The following SLC12A1 variants were observed in gnomAD, a reference collection of about 807,000 sequenced individuals.
SLC12A1 encodes Na-K-2Cl cotransporter.
A neutral mutation model predicts 130.4 loss-of-function variants in SLC12A1; 89 were observed. That is an observed-to-expected ratio of 0.68 (90% CI 0.58 to 0.81). SLC12A1 has a LOEUF of 0.81. Ranked by LOEUF, SLC12A1 falls within the 40% of genes least tolerant of loss-of-function variation. The pLI is 0.00. For synonymous variants in SLC12A1, 499 were observed against 460.0 expected, an observed-to-expected ratio of 1.08 and a Z score of -1.09; for missense variants, 1,310 against 1,336.4, an observed-to-expected ratio of 0.98 and a Z score of 0.31.
intron 17 of SLC12A1, among the ~76,000 whole-genome samples, chr15:48,261,952 T>G (rs2041779367): frequency 6.6e-6 from 1 of 152,220 alleles, no homozygotes; most frequent in South Asian, 2.1e-4. Flanking sequence ...GCTATTTGAA[T>G]TATAGAAGAT....
intron 19 of SLC12A1, among the ~76,000 whole-genome samples, chr15:48,270,387 T>C (rs2041880298): frequency 6.6e-6 from 1 of 152,080 alleles, no homozygotes; most frequent in African/African-American, 2.4e-5. Flanking sequence ...TCTCATTTAA[T>C]TCTCATAAGA....
intron 19 of SLC12A1, among the ~76,000 whole-genome samples, chr15:48,271,142 G>A (rs111756161): frequency 0.025 from 3,727 of 152,018 alleles, 73 homozygotes; most frequent in African/African-American, 0.046. Flanking sequence ...AACCTGGGAG[G>A]TGAAGGTTGC....
At chr15:48,288,644 G>A (rs1440116247) in intron 23 of SLC12A1, 128 bp downstream of exon 23, 9 of 570,712 alleles carry the variant, frequency 1.6e-5, no homozygotes, top group East Asian at 1.1e-4. Flanking sequence ...GATAGGCCTC[G>A]TGTTTACTTG....
At chr15:48,289,394 C>CATATATATATATATATATAT (rs10609887) in intron 23 of SLC12A1, among the ~76,000 whole-genome samples, 2 of 112,896 alleles carry the variant, frequency 1.8e-5, no homozygotes, top group African/African-American at 3.8e-5. Flanking sequence ...GTGAATGTGA[C>CATATATATATATATATATAT]ATATATATAT....
chr15:48,246,704 C>T (rs927416012), intron 11 of SLC12A1, among the ~76,000 whole-genome samples: 2 of 152,044 alleles, frequency 1.3e-5, no homozygotes, highest in South Asian at 2.1e-4. Context: ...TCGCTTGAAC[C>T]GGGAGGCAGC....
chr15:48,230,452 A>G lies in SLC12A1; in HGVS notation c.924A>G (p.Thr308=), dbSNP rs1425437619. 3.7e-6 allele frequency: 6 copies of G among 1,613,160 alleles called. No individual in the cohort carries two copies. The Admixed American group carries it at 8.3e-5, about 22-fold the overall frequency. Residue 308 remains threonine (T), a synonymous_variant, in exon 7 of 27, where the codon ACA becomes ACG. Coordinates refer to ENST00000380993, the MANE Select transcript of SLC12A1 (RefSeq NM_000338.3). ...ACATCCGGATTATAGGCTCCATCAC[A>G]GTGGTGATTCTTCTAGGAATTTCAG... ...TNDIRIIGSI[T]VVILLGISVA... is the part of the protein sequence containing the mutation.
chr15:48,301,685 C>A (rs926858534), intron 26 of SLC12A1, among the ~76,000 whole-genome samples: 8 of 152,076 alleles, frequency 5.3e-5, no homozygotes, highest in Non-Finnish European at 1.2e-4. Context: ...CCCTGGATTT[C>A]TCTGCCTAAC....
intron 16 of SLC12A1, among the ~76,000 whole-genome samples, chr15:48,258,857 C>T (rs2041738868): frequency 6.6e-6 from 1 of 152,134 alleles, no homozygotes; most frequent in Admixed American, 6.5e-5. Flanking sequence ...ACATCTGTCC[C>T]CATGATTCAA....
At chr15:48,259,788 A>G (rs1190870484) in intron 17 of SLC12A1, among the ~76,000 whole-genome samples, 1 of 152,176 alleles carries the variant, frequency 6.6e-6, no homozygotes, top group Admixed American at 6.5e-5. Flanking sequence ...TAAAAACTAA[A>G]CCAAGTTTTT....
At chr15:48,229,423 G>T in intron 6 of SLC12A1, 95 bp downstream of exon 6, 1 of 1,252,444 alleles carries the variant, frequency 8.0e-7, no homozygotes. Context: ...AGCTAAATGA[G>T]AGGAAAAAAG....
intron 20 of SLC12A1, among the ~76,000 whole-genome samples, chr15:48,280,114 A>T (rs935545855): frequency 4.6e-5 from 7 of 151,640 alleles, no homozygotes; most frequent in African/African-American, 1.5e-4. Context: ...TATCCTTAAG[A>T]TTCAAAGCAG....
intron 24 of SLC12A1, among the ~76,000 whole-genome samples, chr15:48,298,706 T>C (rs900871159): frequency 1.3e-5 from 2 of 152,348 alleles, no homozygotes; most frequent in East Asian, 1.9e-4. Context: ...ATCCATTTCC[T>C]ACATTAATTG....
intron 24 of SLC12A1, among the ~76,000 whole-genome samples, chr15:48,297,643 C>T (rs1337008397): frequency 6.6e-6 from 1 of 152,250 alleles, no homozygotes; most frequent in Non-Finnish European, 1.5e-5. Flanking sequence ...CTCTCCATTG[C>T]TAATCTCAAC....
chr15:48,235,278 G>GA, intron 9 of SLC12A1: 2 of 383,100 alleles, frequency 5.2e-6, no homozygotes, highest in Non-Finnish European at 4.8e-6. Context: ...GTAGTTCAGT[G>GA]AAAAAAATAC....
intron 23 of SLC12A1, among the ~76,000 whole-genome samples, chr15:48,291,342 A>G (rs1371866423): frequency 2.0e-5 from 3 of 150,816 alleles, no homozygotes; most frequent in Non-Finnish European, 4.4e-5. Context: ...ATATGTTTGT[A>G]TATATAATCA....
chr15:48,221,044 T>C, intron 4 of SLC12A1, 48 bp downstream of exon 4: 2 of 1,519,672 alleles, frequency 1.3e-6, no homozygotes, highest in South Asian at 2.2e-5. Context: ...AATCATAAAT[T>C]CAATAAGCAA....
At chr15:48,273,831 T>C (rs1237974098) in intron 19 of SLC12A1, among the ~76,000 whole-genome samples, 4 of 152,138 alleles carry the variant, frequency 2.6e-5, no homozygotes, top group Non-Finnish European at 4.4e-5. Flanking sequence ...TTTAGATCCA[T>C]AGAAGTATAA....
Position 48,217,418 on chromosome 15 carries a change from C to T in SLC12A1, c.421-3216C>T, listed in dbSNP as rs190335647. On this transcript the variant is annotated intron_variant, in intron 2 of 26. Transcript: ENST00000380993. ...ATGTTAGCCTCAATTTTTTGGACTGCGTTTATTCTTACATTGGTGTGAATA... is the reference window on the plus strand; with the variant it reads ...ATGTTAGCCTCAATTTTTTGGACTGTGTTTATTCTTACATTGGTGTGAATA... 4.2e-3 allele frequency among the ~76,000 whole-genome samples: 632 copies of T among 152,170 alleles called. 15 individuals carry two copies. The highest frequency in any genetic ancestry group is 0.038 in the Admixed American group (586 of 15,266).
At chr15:48,253,178 C>T (rs895301387) in intron 15 of SLC12A1, among the ~76,000 whole-genome samples, 8 of 152,158 alleles carry the variant, frequency 5.3e-5, no homozygotes, top group African/African-American at 1.9e-4. Flanking sequence ...GCTTTTATGA[C>T]TTTACCTATT....
Sources: gnomAD v4.1 joint callset for allele counts (sites outside exome capture counted in the v4.1 genomes callset) on GRCh38, gnomAD v4.1.1 for gene constraint, MANE v1.5 for transcripts, NCBI Gene and HGNC (gene_info 2026-07-23, HGNC 2026-07-21) for gene names.